The following MAGI1 variants were observed in gnomAD, a reference collection of about 807,000 sequenced individuals.
The protein encoded by MAGI1 is membrane-associated guanylate kinase, WW and PDZ domain-containing protein 1.
A neutral mutation model predicts 139.9 loss-of-function variants in MAGI1; 58 were observed. The ratio of observed to expected loss-of-function variants is 0.41; its 90% CI spans 0.34 to 0.52. MAGI1 has a LOEUF of 0.52. Ranked by LOEUF, MAGI1 falls within the 20% of genes least tolerant of loss-of-function variation. The probability of loss-of-function intolerance (pLI) is 0.12; values close to 1 mark genes in which losing one functional copy is unlikely to be tolerated. For missense variants in MAGI1, 1,874 were observed against 1,901.6 expected (o/e 0.99, Z 0.27); for synonymous variants, 812 against 737.9 (o/e 1.10, Z -1.63).
chr3:65,797,871 A>T (rs948255208), intron 1 of MAGI1, among the ~76,000 whole-genome samples: 2 of 152,234 alleles, frequency 1.3e-5, no homozygotes, highest in Non-Finnish European at 2.9e-5. Context: ...TTTGTCATCT[A>T]AGGATACACT....
In MAGI1 at chr3:65,503,807, T is replaced by C. The variant is rs556422463; in HGVS notation, c.431-10176A>G. On this transcript the variant is annotated intron_variant, in intron 2 of 22. Transcript: ENST00000402939. ...GATCTGGTTTTCATGATCCTACTTC[T>C]AGCTCTTTTCTCTATAGCTATGACA... Among the ~76,000 whole-genome samples the C allele has an allele frequency of 3.9e-5, 6 of 152,214 alleles. No homozygotes were observed. The South Asian group carries it at 8.3e-4, about 21-fold the overall frequency.
intron 1 of MAGI1, among the ~76,000 whole-genome samples, chr3:65,931,520 G>A (rs1017477308): frequency 6.6e-6 from 1 of 152,170 alleles, no homozygotes; most frequent in South Asian, 2.1e-4. Context: ...ACAAAAATTA[G>A]CCAGGTGTGG....
chr3:65,772,902 G>C (rs1301317439), intron 1 of MAGI1, among the ~76,000 whole-genome samples: 1 of 152,260 alleles, frequency 6.6e-6, no homozygotes, highest in African/African-American at 2.4e-5. Context: ...GGAAGCAATG[G>C]GAGGAGGCAA....
At chr3:65,424,187 T>C (rs1946837854) in intron 12 of MAGI1, among the ~76,000 whole-genome samples, 1 of 152,230 alleles carries the variant, frequency 6.6e-6, no homozygotes, top group Non-Finnish European at 1.5e-5. Flanking sequence ...ACTCAGGAAA[T>C]GACAGTAGTG....
intron 1 of MAGI1, among the ~76,000 whole-genome samples, chr3:66,025,351 C>A (rs990657007): frequency 5.3e-5 from 8 of 151,488 alleles, no homozygotes; most frequent in African/African-American, 1.9e-4. Flanking sequence ...CCAGCCTGAG[C>A]AAGACAGTGA....
intron 2 of MAGI1, among the ~76,000 whole-genome samples, chr3:65,613,332 A>G (rs2083213418): frequency 6.6e-6 from 1 of 152,180 alleles, no homozygotes; most frequent in African/African-American, 2.4e-5. Context: ...GTAAGTGCTC[A>G]ATTAATGACA....
chr3:65,773,113 A>T (rs1340906451), intron 1 of MAGI1, among the ~76,000 whole-genome samples: 1 of 152,200 alleles, frequency 6.6e-6, no homozygotes, highest in African/African-American at 2.4e-5. Flanking sequence ...TCATATATGT[A>T]AAGTATTCAT....
chr3:65,940,105 G>A (rs555496362), intron 1 of MAGI1, among the ~76,000 whole-genome samples: 17 of 152,112 alleles, frequency 1.1e-4, no homozygotes, highest in Admixed American at 2.0e-4. Flanking sequence ...AGGCTAGGCC[G>A]CCCTTTAAGA....
At chr3:65,467,393 G>A (rs768532507) in intron 5 of MAGI1, among the ~76,000 whole-genome samples, 4 of 151,952 alleles carry the variant, frequency 2.6e-5, no homozygotes, top group East Asian at 1.9e-4. Context: ...GAAGTGTTTC[G>A]GAATGAAAAA....
intron 1 of MAGI1, among the ~76,000 whole-genome samples, chr3:65,951,667 C>T (rs55682487): frequency 1.1e-3 from 169 of 152,218 alleles, no homozygotes; most frequent in African/African-American, 3.9e-3. Flanking sequence ...TTTTAAATTA[C>T]AAGTGGTTCG....
chr3:65,746,558 C>T (rs1307469044), intron 1 of MAGI1, among the ~76,000 whole-genome samples: 2 of 152,032 alleles, frequency 1.3e-5, no homozygotes, highest in Non-Finnish European at 2.9e-5. Flanking sequence ...CCCTAAAGTC[C>T]TACTTGACAT....
intron 1 of MAGI1, among the ~76,000 whole-genome samples, chr3:65,888,425 A>G (rs745824156): frequency 6.6e-6 from 1 of 152,214 alleles, no homozygotes; most frequent in Non-Finnish European, 1.5e-5. Context: ...GAGGCCCATT[A>G]TAAACCTTTA....
intron 1 of MAGI1, among the ~76,000 whole-genome samples, chr3:65,906,470 CA>C (rs2061437707): frequency 6.6e-6 from 1 of 152,210 alleles, no homozygotes; most frequent in South Asian, 2.1e-4. Flanking sequence ...ATATCACCCC[CA>C]CCTTTCTTCC....
chr3:65,393,219 C>T (rs968074906), intron 13 of MAGI1, among the ~76,000 whole-genome samples: 7 of 152,156 alleles, frequency 4.6e-5, no homozygotes, highest in African/African-American at 1.4e-4. Flanking sequence ...GGATACCATA[C>T]TCATTTTCTT....
intron 15 of MAGI1, 98 bp from the exon 16 acceptor site, chr3:65,382,167 T>C: frequency 3.9e-6 from 4 of 1,015,636 alleles, no homozygotes; most frequent in Non-Finnish European, 5.8e-6. Context: ...TTCATTCATG[T>C]CTGCAGGCAT....
At chr3:65,565,310 T>C (rs925256666) in intron 2 of MAGI1, among the ~76,000 whole-genome samples, 2 of 152,206 alleles carry the variant, frequency 1.3e-5, no homozygotes, top group Non-Finnish European at 2.9e-5. Flanking sequence ...TATTCCTTAA[T>C]GTTAATCCAC....
chr3:65,775,746 A>T (rs563398762), intron 1 of MAGI1, among the ~76,000 whole-genome samples: 1 of 152,128 alleles, frequency 6.6e-6, no homozygotes, highest in East Asian at 1.9e-4. Flanking sequence ...GTTCAAGACC[A>T]GCCTGGGAAA....
intron 1 of MAGI1, among the ~76,000 whole-genome samples, chr3:65,694,278 G>A (rs1033226594): frequency 5.3e-5 from 8 of 152,122 alleles, no homozygotes; most frequent in African/African-American, 1.9e-4. Context: ...CTTAAGAAGT[G>A]TCATACACTG....
At chr3:65,812,456 T>TCACACACA (rs1347889249) in intron 1 of MAGI1, among the ~76,000 whole-genome samples, 16 of 106,802 alleles carry the variant, frequency 1.5e-4, no homozygotes, top group African/African-American at 5.6e-4. Flanking sequence ...TCTCTCTCTC[T>TCACACACA]CTCTCTCTCT....
Sources: gnomAD v4.1 joint callset for allele counts (sites outside exome capture counted in the v4.1 genomes callset) on GRCh38, gnomAD v4.1.1 for gene constraint, MANE v1.5 for transcripts, NCBI Gene and HGNC (gene_info 2026-07-23, HGNC 2026-07-21) for gene names.